RASAL2: variants seen among roughly 807,000 people sequenced by gnomAD.
RASAL2 encodes the protein RAS protein activator like 2.
In RASAL2, 58 loss-of-function variants were observed where a neutral mutation model predicts 128.9. The ratio of observed to expected loss-of-function variants is 0.45; its 90% CI spans 0.36 to 0.56. The LOEUF (loss-of-function observed/expected upper bound fraction) is 0.56, where lower values mean the gene tolerates loss of function less well. Ranked by LOEUF, RASAL2 falls within the 20% of genes least tolerant of loss-of-function variation. The pLI, the probability that RASAL2 is intolerant of heterozygous loss-of-function variation, is 0.00. For missense variants in RASAL2, 1,360 were observed against 1,601.6 expected (o/e 0.85, Z 2.57); for synonymous variants, 561 against 580.8 (o/e 0.97, Z 0.49).
chr1:178,255,052 CA>C (rs1177311205), intron 1 of RASAL2, among the ~76,000 whole-genome samples: 2 of 151,626 alleles, frequency 1.3e-5, no homozygotes, highest in Non-Finnish European at 2.9e-5. Flanking sequence ...CAAAAAAACC[CA>C]AAAAAACTGT....
At chr1:178,435,209 C>T (rs1290876723) in intron 5 of RASAL2, among the ~76,000 whole-genome samples, 3 of 152,020 alleles carry the variant, frequency 2.0e-5, no homozygotes, top group Non-Finnish European at 4.4e-5. Context: ...TAAAAGTTTC[C>T]CAATTCCTAA....
At chr1:178,261,661 G>A (rs911464903) in intron 1 of RASAL2, among the ~76,000 whole-genome samples, 1 of 152,078 alleles carries the variant, frequency 6.6e-6, no homozygotes. Flanking sequence ...GTGACTCAAC[G>A]CGTGTAATCC....
chr1:178,289,352 C>G (rs1273338816), intron 2 of RASAL2, among the ~76,000 whole-genome samples: 2 of 152,124 alleles, frequency 1.3e-5, no homozygotes, highest in African/African-American at 4.8e-5. Flanking sequence ...TTCTTCTCTT[C>G]AAATCTTAAC....
At chr1:178,455,892 G>A (rs1677736218) in intron 12 of RASAL2, among the ~76,000 whole-genome samples, 1 of 152,214 alleles carries the variant, frequency 6.6e-6, no homozygotes, top group Admixed American at 6.5e-5. Context: ...GTATTAAAGA[G>A]TTCGTCTTTG....
chr1:178,177,093 A>C (rs942401855), intron 1 of RASAL2, among the ~76,000 whole-genome samples: 9 of 152,196 alleles, frequency 5.9e-5, no homozygotes, highest in South Asian at 2.1e-4. Context: ...GGGTAACATG[A>C]ATAGTTGTGA....
intron 1 of RASAL2, among the ~76,000 whole-genome samples, chr1:178,236,025 G>T (rs1202236135): frequency 6.6e-6 from 1 of 152,008 alleles, no homozygotes; most frequent in Non-Finnish European, 1.5e-5. Context: ...AGATTATCTA[G>T]TTGTTATCCT....
At chr1:178,288,265 GA>G (rs1344268223) in intron 2 of RASAL2, among the ~76,000 whole-genome samples, 2 of 152,102 alleles carry the variant, frequency 1.3e-5, no homozygotes, top group African/African-American at 4.8e-5. Flanking sequence ...ACACAGTCCA[GA>G]ATAATTTCTA....
chr1:178,338,771 C>T (rs1185126631), intron 3 of RASAL2, among the ~76,000 whole-genome samples: 3 of 152,138 alleles, frequency 2.0e-5, no homozygotes, highest in Non-Finnish European at 4.4e-5. Context: ...GATATAGCAG[C>T]GAACAAGGCA....
At chr1:178,357,704 T>G (rs1329466782) in intron 3 of RASAL2, among the ~76,000 whole-genome samples, 1 of 152,200 alleles carries the variant, frequency 6.6e-6, no homozygotes, top group Admixed American at 6.6e-5. Context: ...TAATTTACTT[T>G]CATACACATT....
chr1:178,426,602 A>C (rs1036222348), intron 5 of RASAL2, among the ~76,000 whole-genome samples: 7 of 152,148 alleles, frequency 4.6e-5, no homozygotes, highest in African/African-American at 1.2e-4. Flanking sequence ...CTGAATGCTA[A>C]GGTTTAAAAA....
chr1:178,304,523 AAAAAC>A (rs1234451262), intron 3 of RASAL2, among the ~76,000 whole-genome samples: 1 of 152,176 alleles, frequency 6.6e-6, no homozygotes, highest in Non-Finnish European at 1.5e-5. Context: ...ACCTTGTCTC[AAAAAC>A]AAAACAAAAC....
chr1:178,217,837 A>C (rs1224212494), intron 1 of RASAL2, among the ~76,000 whole-genome samples: 3 of 152,180 alleles, frequency 2.0e-5, no homozygotes, highest in Admixed American at 2.0e-4. Context: ...AAGTTGCCCC[A>C]TTGATCAACT....
At position 178,094,512 on chromosome 1, in the gene RASAL2, C is replaced by T. The variant is rs561337644; in HGVS notation, c.20C>T (p.Ser7Phe). The T allele has an allele frequency of 3.8e-6, 6 of 1,562,442 alleles. No homozygotes were observed. Among genetic ancestry groups the T allele is most frequent in the African/African-American group, 2.7e-5 (2 of 73,628 alleles). Residue 7 changes from serine (S) to phenylalanine (F), a missense_variant, in exon 1 of 18, where the codon TCC (serine) becomes TTC (phenylalanine). Coordinates refer to ENST00000367649, the MANE Select transcript of RASAL2 (RefSeq NM_170692.4). ...GGCACCATGGAGCTCTCTCCGTCGT[C>T]CGGAGGAGCCGCGGAGGCGCTGTCC... MELSPS[S>F]GGAAEALSWP... is the part of the protein sequence containing the mutation.
At chr1:178,260,313 C>T in intron 1 of RASAL2, among the ~76,000 whole-genome samples, 1 of 127,440 alleles carries the variant, frequency 7.8e-6, no homozygotes, top group Admixed American at 8.8e-5. Flanking sequence ...GATCACGCCA[C>T]TGCACTCCAG....
At chr1:178,410,681 A>C (rs1037049064) in intron 4 of RASAL2, among the ~76,000 whole-genome samples, 13 of 152,106 alleles carry the variant, frequency 8.5e-5, no homozygotes, top group South Asian at 2.1e-4. Flanking sequence ...GAAAAAAAAA[A>C]CAGATAATCC....
At chr1:178,455,791 G>A (rs930892853) in intron 12 of RASAL2, among the ~76,000 whole-genome samples, 1 of 152,194 alleles carries the variant, frequency 6.6e-6, no homozygotes, top group African/African-American at 2.4e-5. Context: ...AGGCAGCTAT[G>A]CCAAACTGAC....
intron 3 of RASAL2, among the ~76,000 whole-genome samples, chr1:178,365,576 A>C (rs1671355609): frequency 6.6e-6 from 1 of 152,104 alleles, no homozygotes; most frequent in African/African-American, 2.4e-5. Flanking sequence ...GCATCAAGTG[A>C]TTCTCCTGCC....
At chr1:178,459,359 G>A (rs61520802) in intron 14 of RASAL2, among the ~76,000 whole-genome samples, 37,746 of 151,222 alleles carry the variant, frequency 0.25, 7,513 homozygotes, top group African/African-American at 0.56. Flanking sequence ...AATTTTTCAT[G>A]TATATAATAT....
intron 3 of RASAL2, among the ~76,000 whole-genome samples, chr1:178,371,322 C>CCACA (rs370972772): frequency 0.019 from 2,351 of 124,446 alleles, 32 homozygotes; most frequent in Middle Eastern, 0.064. Flanking sequence ...GCCTTCTTTC[C>CCACA]CACACACACA....
Sources: allele counts gnomAD v4.1 joint callset (sites outside exome capture counted in the v4.1 genomes callset), GRCh38; gene constraint gnomAD v4.1.1; transcripts MANE v1.5; gene names NCBI Gene and HGNC (gene_info 2026-07-23, HGNC 2026-07-21).